The following GAL3ST2 variants were observed in gnomAD, a reference collection of about 807,000 sequenced individuals.
The protein encoded by GAL3ST2 is galactose-3-O-sulfotransferase 2.
GAL3ST2 carries 16 observed loss-of-function variants against 12.9 expected under a neutral mutation model. That is an observed-to-expected ratio of 1.24 (90% CI 0.84 to 1.88). GAL3ST2 has a LOEUF of 1.88. Ranked by LOEUF, GAL3ST2 falls within the 40% of genes most tolerant of loss-of-function variation. The pLI, the probability that GAL3ST2 is intolerant of heterozygous loss-of-function variation, is 0.00. For synonymous variants in GAL3ST2, 302 were observed against 273.9 expected (o/e 1.10, Z -1.01); for missense variants, 639 against 571.8 (o/e 1.12, Z -1.20).
rs1397925823 is a variant in GAL3ST2, at chr2:241,793,691, GTA to G, written c.30-5370_30-5369del. Among the ~76,000 whole-genome samples the G allele has an allele frequency of 5.9e-5, 9 of 151,506 alleles. No homozygotes were observed. The South Asian group carries it at 6.2e-4, about 11-fold the overall frequency. On this transcript the variant is annotated intron_variant, in intron 1 of 3. Coordinates refer to ENST00000192314, the MANE Select transcript of GAL3ST2 (RefSeq NM_022134.3). This position sits in a 1 kb window ranked among gnomAD's most constrained non-coding sequence, Gnocchi z 4.7. ...GTATGCACATATTGTGTATGTGTGT[GTA>G]TATGTGTATGTACGTATTGTGTATG...
At position 241,779,462 on chromosome 2, in the gene GAL3ST2, T is replaced by C. The variant is rs533524195; in HGVS notation, c.29+2478T>C. Among the ~76,000 whole-genome samples, 8 of 151,130 alleles carry C rather than the reference T, an allele frequency of 5.3e-5. No individual in the cohort carries two copies. In the East Asian group the frequency reaches 1.6e-3, roughly 30 times the overall value. Reference sequence around the variant, plus strand: ...GTTAGCCAGGATGGTCTCCATCTCCTGACCTCGTGATCCGCCGGCCTTGGC... The same window carrying C: ...GTTAGCCAGGATGGTCTCCATCTCCCGACCTCGTGATCCGCCGGCCTTGGC... On this transcript the variant is annotated intron_variant, in intron 1 of 3. Transcript: ENST00000192314.
intron 1 of GAL3ST2, among the ~76,000 whole-genome samples, chr2:241,779,126 G>T (rs967797551): frequency 6.8e-5 from 10 of 146,842 alleles, no homozygotes; most frequent in East Asian, 2.1e-4. Context: ...AGAAGAAAAT[G>T]AGTCTCTGGT....
chr2:241,797,149 G>A (rs1699782051), intron 1 of GAL3ST2, among the ~76,000 whole-genome samples: 1 of 152,228 alleles, frequency 6.6e-6, no homozygotes, highest in African/African-American at 2.4e-5. Flanking sequence ...GTGAGCTGCC[G>A]CGCCTGGCCT....
Position 241,776,978 on chromosome 2 carries a change from T to TGCA in GAL3ST2, c.25_27dup (p.Gln9dup). ...AAGATGATGTCCATGCTGGGCGGCT[T>TGCA]GCAGAGGTAAGGGGGGCAGTTGGAC... is the stretch of plus-strand genomic sequence containing the variant. On this transcript the variant is annotated inframe_insertion, in exon 1 of 4. Transcript: ENST00000192314. The TGCA allele has an allele frequency of 6.5e-7, 1 of 1,549,252 alleles. No individual in the cohort carries two copies. The highest frequency in any genetic ancestry group is 1.2e-5 in the South Asian group (1 of 83,206).
At chr2:241,779,326 C>T (rs887829512) in intron 1 of GAL3ST2, among the ~76,000 whole-genome samples, 12 of 141,808 alleles carry the variant, frequency 8.5e-5, no homozygotes, top group African/African-American at 2.6e-4. Context: ...CTCCGCCTCC[C>T]GGGTTCACGC....
In GAL3ST2 at chr2:241,803,728, C is replaced by T; in HGVS notation, c.759C>T (p.Leu253=). 6.5e-7 allele frequency: 1 copy of T among 1,535,964 alleles called. No individual in the cohort carries two copies. ...WALDDVVAFR[L]NSRSARSVAR... Reference sequence around the variant, plus strand: ...TGGACGACGTGGTGGCCTTCAGGCTCAACTCCCGCAGCGCGCGCTCCGTGG... The same window carrying T: ...TGGACGACGTGGTGGCCTTCAGGCTTAACTCCCGCAGCGCGCGCTCCGTGG... The change falls in exon 4 of 4, where the codon CTC becomes CTT. Residue 253 remains leucine, a synonymous_variant. Transcript: ENST00000192314.
intron 1 of GAL3ST2, among the ~76,000 whole-genome samples, chr2:241,787,565 T>C (rs1165625277): frequency 1.3e-5 from 2 of 151,340 alleles, no homozygotes; most frequent in African/African-American, 4.9e-5. Context: ...TTTGGAGTTT[T>C]ACTTGCTTCC....
chr2:241,787,283 G>A (rs537732710), intron 1 of GAL3ST2, among the ~76,000 whole-genome samples: 14 of 152,100 alleles, frequency 9.2e-5, no homozygotes, highest in African/African-American at 3.1e-4. Flanking sequence ...AAACAAATGC[G>A]CATCGTCAAC....
chr2:241,793,615 T>C lies in GAL3ST2; in HGVS notation c.30-5450T>C, dbSNP rs1187449378. Among the ~76,000 whole-genome samples, 2 of 119,688 alleles carry C rather than the reference T, an allele frequency of 1.7e-5. No individual in the cohort carries two copies. Among genetic ancestry groups the C allele is most frequent in the Admixed American group, 7.5e-5 (1 of 13,372 alleles). 78.5% of individuals were successfully genotyped at this position (119,688 alleles called of 152,430 possible). A position where few individuals can be genotyped will look rare whatever the true frequency, so the allele number is the denominator to read the frequency against. ...TATATGTGTATATGTGTGTGTATTGTGTGTGTACATATTGTGTTTGTGTGT... is the reference window on the plus strand; with the variant it reads ...TATATGTGTATATGTGTGTGTATTGCGTGTGTACATATTGTGTTTGTGTGT... On this transcript the variant is annotated intron_variant, in intron 1 of 3. Transcript: ENST00000192314. This position sits in a 1 kb window ranked among gnomAD's most constrained non-coding sequence, Gnocchi z 4.7.
At chr2:241,778,999 A>G (rs1035902395) in intron 1 of GAL3ST2, among the ~76,000 whole-genome samples, 1 of 152,256 alleles carries the variant, frequency 6.6e-6, no homozygotes, top group Admixed American at 6.5e-5. Flanking sequence ...TGCCCTGAGC[A>G]GTTCCCAGCT....
intron 1 of GAL3ST2, among the ~76,000 whole-genome samples, chr2:241,798,820 A>G (rs1699807267): frequency 6.6e-6 from 1 of 152,128 alleles, no homozygotes; most frequent in Non-Finnish European, 1.5e-5. Flanking sequence ...TGGCTCATCC[A>G]CTAGGCTCTT....
In GAL3ST2 at chr2:241,777,512, AG is replaced by A. The variant is rs149365893; in HGVS notation, c.29+532del. Among the ~76,000 whole-genome samples, 328 of 151,670 alleles carry A rather than the reference AG, an allele frequency of 2.2e-3. 15 individuals are homozygous for A. In the East Asian group the frequency reaches 0.047, roughly 22 times the overall value. ...TGGATTTCTTCCCAGTTAGGTTTGG[AG>A]GGGTGGTGGGTGTGGCTAAGGATGC... is the stretch of plus-strand genomic sequence containing the variant. On this transcript the variant is annotated intron_variant, in intron 1 of 3. Transcript: ENST00000192314.
chr2:241,778,409 C>T (rs939882852), intron 1 of GAL3ST2, among the ~76,000 whole-genome samples: 3 of 152,252 alleles, frequency 2.0e-5, no homozygotes, highest in South Asian at 2.1e-4. Context: ...TCCAGGCCGC[C>T]GGGCAAAGTG....
rs1427823891 is a variant in GAL3ST2 at position 241,802,300 on chromosome 2, T to G, written c.375+264T>G. Among the ~76,000 whole-genome samples, 13 of 152,182 alleles carry G rather than the reference T, an allele frequency of 8.5e-5. 1 individual carries two copies. The highest frequency in any genetic ancestry group is 8.5e-4 in the Admixed American group (13 of 15,268). On this transcript the variant is annotated intron_variant, in intron 3 of 3. Transcript: ENST00000192314. The surrounding 1 kb of genome is among the most constrained non-coding windows in gnomAD (Gnocchi z 4.8). ...AAGGGCGTCCCCAGCGCTCCCCCGC[T>G]TCTCTGGCCTCCTAGTTGTGCACAG...
chr2:241,788,569 T>G (rs2125192023), intron 1 of GAL3ST2, among the ~76,000 whole-genome samples: 1 of 152,306 alleles, frequency 6.6e-6, no homozygotes, highest in South Asian at 2.1e-4. Context: ...AATGAGAGAC[T>G]GAGTTTTTCA....
At chr2:241,781,394 C>T (rs1176722588) in intron 1 of GAL3ST2, among the ~76,000 whole-genome samples, 2 of 152,018 alleles carry the variant, frequency 1.3e-5, no homozygotes, top group African/African-American at 4.8e-5. Context: ...CAGTCTCCAA[C>T]GTTATCAGAA....
At position 241,802,015 on chromosome 2, in the gene GAL3ST2, C is replaced by T; in HGVS notation, c.354C>T (p.His118=). ...SQQRFNIMCN[H]LRFNLPQVQK... is the part of the protein sequence containing the mutation. ...AGCGCTTCAACATCATGTGCAACCA[C>T]CTGAGGTTCAACCTGCCTCAGGTAC... The change falls in exon 3 of 4, where the codon CAC becomes CAT. Residue 118 remains histidine (H), a synonymous_variant. Transcript: ENST00000192314. This position sits in a 1 kb window ranked among gnomAD's most constrained non-coding sequence, Gnocchi z 4.8. 6.2e-7 allele frequency: 1 copy of T among 1,612,050 alleles called. No homozygotes were observed. Among genetic ancestry groups the T allele is most frequent in the Non-Finnish European group, 8.5e-7 (1 of 1,179,550 alleles).
chr2:241,793,655 C>CGT lies in GAL3ST2; in HGVS notation c.30-5410_30-5409insGT, dbSNP rs1699732508. ...TGTTTGTGTGTACATATTGTGTATG[C>CGT]ATATGTGTGTGTATGCACATATTGT... On this transcript the variant is annotated intron_variant, in intron 1 of 3. Coordinates refer to ENST00000192314, the MANE Select transcript of GAL3ST2 (RefSeq NM_022134.3). The surrounding 1 kb of genome is among the most constrained non-coding windows in gnomAD (Gnocchi z 4.7). 6.8e-6 allele frequency among the ~76,000 whole-genome samples: 1 copy of CGT among 147,582 alleles called. No homozygotes were observed. Among genetic ancestry groups the CGT allele is most frequent in the Non-Finnish European group, 1.5e-5 (1 of 67,288 alleles).
chr2:241,779,556 G>T (rs1360567542), intron 1 of GAL3ST2, among the ~76,000 whole-genome samples: 2 of 151,538 alleles, frequency 1.3e-5, no homozygotes, highest in Admixed American at 6.6e-5. Context: ...TTTTTAGCAG[G>T]TTGTGAAGTG....
Sources: gnomAD v4.1 joint callset for allele counts (sites outside exome capture counted in the v4.1 genomes callset) on GRCh38, gnomAD v4.1.1 for gene constraint, Gnocchi (gnomAD v3.1) non-coding constraint, MANE v1.5 for transcripts, NCBI Gene and HGNC (gene_info 2026-07-23, HGNC 2026-07-21) for gene names.